ULK4: variants seen among roughly 807,000 people sequenced by gnomAD.
ULK4 encodes the protein unc-51 like kinase 4.
A neutral mutation model predicts 160.6 loss-of-function variants in ULK4; 133 were observed. The observed-to-expected ratio is 0.83, with a 90% confidence interval of 0.72 to 0.96. The LOEUF (loss-of-function observed/expected upper bound fraction) is 0.96. Among genes scored for constraint, ULK4 ranks in the 40% least tolerant of loss-of-function variants. The pLI, the probability that ULK4 is intolerant of heterozygous loss-of-function variation, is 0.00. For missense variants in ULK4, 1,580 were observed against 1,499.5 expected (o/e 1.05, Z -0.89); for synonymous variants, 534 against 539.8 (o/e 0.99, Z 0.15).
chr3:41,604,371 G>A (rs925119947), intron 31 of ULK4, among the ~76,000 whole-genome samples: 1 of 152,108 alleles, frequency 6.6e-6, no homozygotes, highest in Non-Finnish European at 1.5e-5. Flanking sequence ...TGTAAGACAT[G>A]AAGTGGTATA....
intron 12 of ULK4, among the ~76,000 whole-genome samples, chr3:41,906,444 A>G (rs991604278): frequency 6.6e-6 from 1 of 152,038 alleles, no homozygotes; most frequent in African/African-American, 2.4e-5. Context: ...CAGGACGACC[A>G]CTGGAGCCAA....
chr3:41,391,418 A>C (rs908614369), intron 35 of ULK4, among the ~76,000 whole-genome samples: 3 of 152,096 alleles, frequency 2.0e-5, no homozygotes, highest in African/African-American at 7.2e-5. Flanking sequence ...GTTTTCCTTT[A>C]AGAATACAAG....
At chr3:41,378,666 GAT>G (rs1415642063) in intron 35 of ULK4, among the ~76,000 whole-genome samples, 1 of 151,182 alleles carries the variant, frequency 6.6e-6, no homozygotes, top group Non-Finnish European at 1.5e-5. Context: ...AGCAGTAAAA[GAT>G]ATACCTAATG....
chr3:41,491,418 C>T (rs1223266484), intron 32 of ULK4, among the ~76,000 whole-genome samples: 2 of 151,990 alleles, frequency 1.3e-5, no homozygotes, highest in South Asian at 2.1e-4. Flanking sequence ...AACAATACTA[C>T]AAAAATTAAA....
At chr3:41,952,646 G>A (rs1700329887) in intron 2 of ULK4, among the ~76,000 whole-genome samples, 1 of 152,078 alleles carries the variant, frequency 6.6e-6, no homozygotes, top group Admixed American at 6.5e-5. Flanking sequence ...AGCTGCTGAG[G>A]AAAACAGTAT....
intron 2 of ULK4, among the ~76,000 whole-genome samples, chr3:41,943,596 C>T (rs1421663373): frequency 1.3e-5 from 2 of 152,120 alleles, no homozygotes; most frequent in African/African-American, 2.4e-5. Flanking sequence ...AGTGACCATT[C>T]ACACCTCCTC....
rs563930540 is a variant in ULK4 at position 41,771,006 on chromosome 3, T to C, written c.2194-16518A>G. Among the ~76,000 whole-genome samples the C allele has an allele frequency of 1.1e-4, 17 of 152,316 alleles. No individual in the cohort carries two copies. The South Asian group carries it at 1.7e-3, about 15-fold the overall frequency. On this transcript the variant is annotated intron_variant, in intron 21 of 36. Coordinates refer to ENST00000301831, the MANE Select transcript of ULK4 (RefSeq NM_017886.4). Reference sequence around the variant, plus strand: ...CCACGAAGACCTGTAGATTGAAAGATGACAAGAAGTTTGTAAATATTAAGA... The same window carrying C: ...CCACGAAGACCTGTAGATTGAAAGACGACAAGAAGTTTGTAAATATTAAGA...
At chr3:41,282,023 C>T (rs1223137614) in intron 35 of ULK4, among the ~76,000 whole-genome samples, 1 of 151,852 alleles carries the variant, frequency 6.6e-6, no homozygotes, top group Non-Finnish European at 1.5e-5. Flanking sequence ...AAACAGAGAG[C>T]CAAATCATGA....
At position 41,435,003 on chromosome 3, in the gene ULK4, G is replaced by C. The variant is rs576888734; in HGVS notation, c.3492+20494C>G. Among the ~76,000 whole-genome samples the C allele has an allele frequency of 3.3e-5, 5 of 152,230 alleles. No homozygotes were observed. The South Asian group carries it at 6.2e-4, about 19-fold the overall frequency. Reference sequence around the variant, plus strand: ...CCTCCACATTCCAAACAGCTTTGTGGTTTCATTTACATGAAATGTGAGTTT... The same window carrying C: ...CCTCCACATTCCAAACAGCTTTGTGCTTTCATTTACATGAAATGTGAGTTT... On this transcript the variant is annotated intron_variant, in intron 34 of 36. Coordinates refer to ENST00000301831, the MANE Select transcript of ULK4 (RefSeq NM_017886.4).
chr3:41,341,025 G>C (rs1559533305), intron 35 of ULK4, among the ~76,000 whole-genome samples: 1 of 152,148 alleles, frequency 6.6e-6, no homozygotes, highest in Non-Finnish European at 1.5e-5. Flanking sequence ...TCCCAAGCTG[G>C]ATATAGAGCC....
At chr3:41,707,905 T>C (rs2036959615) in intron 25 of ULK4, among the ~76,000 whole-genome samples, 1 of 151,310 alleles carries the variant, frequency 6.6e-6, no homozygotes, top group African/African-American at 2.4e-5. Context: ...TCAATAGGTA[T>C]ATGAAAAAAT....
rs71075470 is a variant in ULK4 at position 41,506,767 on chromosome 3, AATATATATATATATATATATATATAT to A, written c.3227-43540_3227-43515del. Among the ~76,000 whole-genome samples the A allele has an allele frequency of 4.6e-4, 26 of 56,794 alleles. 4 individuals carry two copies. In the East Asian group the frequency reaches 4.9e-3, roughly 11 times the overall value. 37.3% of individuals were successfully genotyped at this position (56,794 alleles called of 152,430 possible). A position where few individuals can be genotyped will look rare whatever the true frequency, so the allele number is the denominator to read the frequency against. On this transcript the variant is annotated intron_variant, in intron 32 of 36. Transcript: ENST00000301831. ...AGCAATACACTGGAGTGTGATTTAA[AATATATATATATATATATATATATAT>A]ATATATATATATATGAACATGTTTT...
At chr3:41,290,255 T>C (rs1454596663) in intron 35 of ULK4, among the ~76,000 whole-genome samples, 1 of 152,216 alleles carries the variant, frequency 6.6e-6, no homozygotes, top group Non-Finnish European at 1.5e-5. Context: ...ATGACAATGA[T>C]GCCGACAGCT....
chr3:41,898,801 A>G (rs1443834710), intron 13 of ULK4, among the ~76,000 whole-genome samples: 2 of 152,254 alleles, frequency 1.3e-5, no homozygotes, highest in South Asian at 2.1e-4. Context: ...ACAAATATCT[A>G]TTGGGTACCT....
intron 21 of ULK4, among the ~76,000 whole-genome samples, chr3:41,776,188 T>C (rs138574068): frequency 2.0e-3 from 304 of 151,194 alleles, no homozygotes; most frequent in East Asian, 0.014. Flanking sequence ...ATCCATCAGT[T>C]TCTAATTCAA....
At chr3:41,658,045 A>T (rs1476624345) in intron 30 of ULK4, among the ~76,000 whole-genome samples, 2 of 152,156 alleles carry the variant, frequency 1.3e-5, no homozygotes, top group African/African-American at 2.4e-5. Context: ...AAAAAATATT[A>T]CCTGATCACA....
chr3:41,401,597 T>C (rs2082180107), intron 34 of ULK4, among the ~76,000 whole-genome samples: 1 of 152,164 alleles, frequency 6.6e-6, no homozygotes, highest in Admixed American at 6.5e-5. Context: ...TGGTCAACCA[T>C]GGCAACAATG....
chr3:41,313,327 G>A (rs2080085829), intron 35 of ULK4, among the ~76,000 whole-genome samples: 1 of 152,190 alleles, frequency 6.6e-6, no homozygotes, highest in Non-Finnish European at 1.5e-5. Context: ...ACTAGTTAAT[G>A]TATGTAATGT....
At chr3:41,858,670 ATTTTTTTT>A (rs755950925) in intron 17 of ULK4, among the ~76,000 whole-genome samples, 2 of 133,360 alleles carry the variant, frequency 1.5e-5, no homozygotes, top group Admixed American at 7.6e-5. Flanking sequence ...TTTTTGTGTG[ATTTTTTTT>A]TTTTTTTGTA....
Sources: gnomAD v4.1 joint callset for allele counts (sites outside exome capture counted in the v4.1 genomes callset) on GRCh38, gnomAD v4.1.1 for gene constraint, MANE v1.5 for transcripts, NCBI Gene and HGNC (gene_info 2026-07-23, HGNC 2026-07-21) for gene names.